Variants in PDHX observed in about 807,000 individuals in gnomAD.
PDHX encodes pyruvate dehydrogenase protein X component, mitochondrial.
In PDHX, 33 loss-of-function variants were observed where a neutral mutation model predicts 55.3. The observed-to-expected ratio is 0.60, with a 90% CI of 0.45 to 0.80. The LOEUF is 0.80. Ranked by LOEUF, PDHX falls within the 30% of genes least tolerant of loss-of-function variation. The probability of loss-of-function intolerance (pLI) is 0.00; values close to 1 mark genes in which losing one functional copy is unlikely to be tolerated. For missense variants in PDHX, 622 were observed against 619.9 expected (o/e 1.00, Z -0.04); for synonymous variants, 226 against 219.4 (o/e 1.03, Z -0.27).
chr11:34,916,947 G>C, intron 1 of PDHX, 132 bp downstream of exon 1: 1 of 945,914 alleles, frequency 1.1e-6, no homozygotes. Flanking sequence ...CTCTTTCTCC[G>C]GTTGGGGTCC....
intron 6 of PDHX, among the ~76,000 whole-genome samples, chr11:34,969,112 A>AT (rs1855197961): frequency 6.6e-6 from 1 of 152,060 alleles, no homozygotes; most frequent in African/African-American, 2.4e-5. Flanking sequence ...TAGCCAGGTG[A>AT]TTTTGCCCAA....
intron 6 of PDHX, among the ~76,000 whole-genome samples, chr11:34,969,500 C>T (rs1855209748): frequency 6.6e-6 from 1 of 151,980 alleles, no homozygotes; most frequent in South Asian, 2.1e-4. Flanking sequence ...CGCGCCACCA[C>T]ACTCAGCTAA....
At chr11:34,950,677 C>T (rs1199271822) in intron 3 of PDHX, among the ~76,000 whole-genome samples, 2 of 151,486 alleles carry the variant, frequency 1.3e-5, no homozygotes, top group Non-Finnish European at 3.0e-5. Context: ...TTTCCAGTTT[C>T]ATCCATGTCC....
At position 34,928,418 on chromosome 11, in the gene PDHX, C is replaced by G. The variant is rs992691030; in HGVS notation, c.161-2986C>G. Among the ~76,000 whole-genome samples the G allele has an allele frequency of 3.3e-5, 5 of 150,728 alleles. No homozygotes were observed. The South Asian group carries it at 1.0e-3, about 32-fold the overall frequency. On this transcript the variant is annotated intron_variant, in intron 1 of 10. Transcript: ENST00000227868. ...TTTTCGAAAAGAGGCTGGCCTCTTA[C>G]CGTGGTGCTATTTAAAAGATAAGAG...
chr11:34,971,184 T>G (rs1855250867), intron 7 of PDHX, among the ~76,000 whole-genome samples: 1 of 152,196 alleles, frequency 6.6e-6, no homozygotes, highest in Non-Finnish European at 1.5e-5. Context: ...GATTATTAAA[T>G]TTGTAATATT....
chr11:34,942,251 A>G (rs1350792579), intron 2 of PDHX, among the ~76,000 whole-genome samples: 3 of 152,188 alleles, frequency 2.0e-5, no homozygotes, highest in East Asian at 1.9e-4. Flanking sequence ...CAGAATATGG[A>G]AAAAAACCGT....
intron 9 of PDHX, among the ~76,000 whole-genome samples, chr11:34,988,418 C>A (rs899865859): frequency 6.6e-6 from 1 of 152,122 alleles, no homozygotes; most frequent in Non-Finnish European, 1.5e-5. Context: ...ATGTAGCCAG[C>A]ATCTGAACCC....
At position 34,995,149 on chromosome 11, in the gene PDHX, G is replaced by A. The variant is rs771573054; in HGVS notation, c.1483G>A (p.Glu495Lys). ...TCTTAAAAGTTTTAAAGCAAACCTA[G>A]AGAATCCTATCCGACTTGCCTAGTC... ...RFLKSFKANL[E>K]NPIRLA The change falls in exon 11 of 11, where the codon GAG becomes AAG. Residue 495 changes from glutamate to lysine, a missense_variant. By Grantham distance (56) the Glu-to-Lys change is moderately conservative. Transcript: ENST00000227868. 1.9e-6 allele frequency: 3 copies of A among 1,613,954 alleles called. No homozygotes were observed. Among genetic ancestry groups the A allele is most frequent in the Non-Finnish European group, 2.5e-6 (3 of 1,179,898 alleles).
At chr11:34,917,858 GT>G (rs758666567) in intron 1 of PDHX, among the ~76,000 whole-genome samples, 3 of 152,164 alleles carry the variant, frequency 2.0e-5, no homozygotes, top group Non-Finnish European at 4.4e-5. Context: ...CCTCCTCCAA[GT>G]TTGTTGAAAT....
At chr11:34,954,439 T>C (rs1252692579) in intron 3 of PDHX, among the ~76,000 whole-genome samples, 1 of 152,198 alleles carries the variant, frequency 6.6e-6, no homozygotes, top group African/African-American at 2.4e-5. Context: ...TGTGAGAATG[T>C]CTCTGGTACA....
intron 8 of PDHX, among the ~76,000 whole-genome samples, chr11:34,983,008 G>A (rs1200257428): frequency 1.3e-5 from 2 of 152,082 alleles, no homozygotes; most frequent in African/African-American, 4.8e-5. Flanking sequence ...GATGAACATC[G>A]ATGCAAACAT....
intron 3 of PDHX, among the ~76,000 whole-genome samples, chr11:34,954,852 T>TA (rs1854868466): frequency 6.6e-6 from 1 of 152,178 alleles, no homozygotes; most frequent in African/African-American, 2.4e-5. Flanking sequence ...ATTTGCATCT[T>TA]ACAGCTCAGA....
chr11:34,966,873 A>G, intron 6 of PDHX, 59 bp downstream of exon 6: 1 of 1,470,902 alleles, frequency 6.8e-7, no homozygotes, highest in South Asian at 1.1e-5. Context: ...TTTTTTTGAG[A>G]CAGAGTCTTG....
rs537572806 is a variant in PDHX, at chr11:34,932,668, A to G, written c.241+1184A>G. On this transcript the variant is annotated intron_variant, in intron 2 of 10. Coordinates refer to ENST00000227868, the MANE Select transcript of PDHX (RefSeq NM_003477.3). ...TGCTAAATGGTGTAAATACTAGGGA[A>G]GAGAATTTGGCACTATTTAGAAAAA... Among the ~76,000 whole-genome samples, 11 of 152,342 alleles carry G rather than the reference A, an allele frequency of 7.2e-5. No individual in the cohort carries two copies. The East Asian group carries it at 2.1e-3, about 29-fold the overall frequency.
At chr11:34,981,280 C>A (rs1461671861) in intron 8 of PDHX, among the ~76,000 whole-genome samples, 1 of 151,854 alleles carries the variant, frequency 6.6e-6, no homozygotes, top group East Asian at 1.9e-4. Context: ...GGTAGTTTGC[C>A]GAGAATGATG....
intron 9 of PDHX, among the ~76,000 whole-genome samples, chr11:34,991,620 A>G (rs1855759154): frequency 6.6e-6 from 1 of 152,080 alleles, no homozygotes; most frequent in Non-Finnish European, 1.5e-5. Context: ...TTTAAAACAC[A>G]CAGATTGGCC....
intron 4 of PDHX, 61 bp from the exon 5 acceptor site, chr11:34,960,359 A>G: frequency 9.4e-7 from 1 of 1,067,786 alleles, no homozygotes; most frequent in Non-Finnish European, 1.5e-6. Context: ...TGACATTTAG[A>G]TCTATTTGAA....
Position 34,970,159 on chromosome 11 carries a change from C to T in PDHX, c.837C>T (p.Pro279=), listed in dbSNP as rs371579798. 111 of 1,613,432 alleles carry T rather than the reference C, an allele frequency of 6.9e-5. No individual in the cohort carries two copies. The highest frequency in any genetic ancestry group is 3.2e-4 in the Admixed American group (19 of 59,988). Residue 279 remains proline, a synonymous_variant, in exon 7 of 11, where the codon CCC becomes CCT. Coordinates refer to ENST00000227868, the MANE Select transcript of PDHX (RefSeq NM_003477.3). The part of the protein sequence containing the change: ...PNAVGTFTEI[P]ASNIRRVIAK... ...TGCAGGGCACATTCACTGAAATCCC[C>T]GCCAGCAATATTCGAAGAGTTATTG...
intron 2 of PDHX, among the ~76,000 whole-genome samples, chr11:34,932,734 G>A (rs749990441): frequency 2.0e-5 from 3 of 152,102 alleles, no homozygotes; most frequent in African/African-American, 7.2e-5. Context: ...GCTCTACTTC[G>A]AGGGATTTGT....
Sources: gnomAD v4.1 joint callset for allele counts (sites outside exome capture counted in the v4.1 genomes callset) on GRCh38, gnomAD v4.1.1 for gene constraint, MANE v1.5 for transcripts, NCBI Gene and HGNC (gene_info 2026-07-23, HGNC 2026-07-21) for gene names.